NELL1: variants seen among roughly 807,000 people sequenced by gnomAD.
NELL1 encodes neural EGFL like 1, also known as protein kinase C-binding protein NELL1.
A neutral mutation model predicts 107.4 loss-of-function variants in NELL1; 76 were observed. That is an observed-to-expected ratio of 0.71 (90% CI 0.59 to 0.86). The LOEUF (loss-of-function observed/expected upper bound fraction) is 0.86. NELL1 is among the 40% of genes least tolerant of loss of function. The probability of loss-of-function intolerance (pLI) is 0.00; values close to 1 mark genes in which losing one functional copy is unlikely to be tolerated. For missense variants in NELL1, 1,024 were observed against 1,005.5 expected (o/e 1.02, Z -0.25); for synonymous variants, 353 against 341.2 (o/e 1.03, Z -0.38).
At chr11:20,748,716 A>G (rs969889855) in intron 2 of NELL1, among the ~76,000 whole-genome samples, 3 of 152,170 alleles carry the variant, frequency 2.0e-5, no homozygotes, top group African/African-American at 7.2e-5. Flanking sequence ...GGCTCCATTC[A>G]AGTTGCTGTA....
At chr11:21,038,284 C>A (rs1400200197) in intron 12 of NELL1, among the ~76,000 whole-genome samples, 2 of 152,092 alleles carry the variant, frequency 1.3e-5, no homozygotes, top group Non-Finnish European at 2.9e-5. Flanking sequence ...GGCAATAGAT[C>A]ATAAATGCTT....
intron 14 of NELL1, among the ~76,000 whole-genome samples, chr11:21,231,818 G>A (rs1051125796): frequency 1.3e-5 from 2 of 152,086 alleles, no homozygotes; most frequent in Non-Finnish European, 2.9e-5. Context: ...TAAAGTGATT[G>A]TCATAATCAA....
chr11:21,368,560 C>A (rs182573169), intron 14 of NELL1, among the ~76,000 whole-genome samples: 3 of 152,076 alleles, frequency 2.0e-5, no homozygotes, highest in Admixed American at 2.0e-4. Flanking sequence ...AGCCTTAGGG[C>A]ACTTGATTTC....
intron 10 of NELL1, among the ~76,000 whole-genome samples, chr11:20,945,169 A>G (rs1464643884): frequency 6.6e-6 from 1 of 152,190 alleles, no homozygotes; most frequent in Non-Finnish European, 1.5e-5. Context: ...GTGATTTATT[A>G]AGGTAGTGCC....
intron 2 of NELL1, among the ~76,000 whole-genome samples, chr11:20,689,062 GTCTTCTT>G (rs1854382589): frequency 6.6e-6 from 1 of 152,012 alleles, no homozygotes; most frequent in Admixed American, 6.6e-5. Context: ...CCGCTTATAT[GTCTTCTT>G]TCTTCTTTTG....
intron 12 of NELL1, among the ~76,000 whole-genome samples, chr11:20,970,224 T>C (rs1312807318): frequency 1.3e-5 from 2 of 152,130 alleles, no homozygotes; most frequent in Non-Finnish European, 2.9e-5. Context: ...TTTATGTAGT[T>C]GTCTAGGTGA....
chr11:20,710,024 A>C (rs1367362992), intron 2 of NELL1, among the ~76,000 whole-genome samples: 1 of 152,180 alleles, frequency 6.6e-6, no homozygotes, highest in Admixed American at 6.5e-5. Context: ...CACTTTACAG[A>C]TTTGGATGCC....
At chr11:21,549,602 A>G (rs140463048) in intron 16 of NELL1, among the ~76,000 whole-genome samples, 91 of 151,982 alleles carry the variant, frequency 6.0e-4, no homozygotes, top group African/African-American at 2.0e-3. Flanking sequence ...AGAGACTCTC[A>G]GTGCAGTCAT....
At chr11:20,964,675 A>G (rs1321148360) in intron 12 of NELL1, among the ~76,000 whole-genome samples, 1 of 152,148 alleles carries the variant, frequency 6.6e-6, no homozygotes, top group East Asian at 1.9e-4. Flanking sequence ...CTGTTCCAAT[A>G]CTGTGCTAGT....
intron 15 of NELL1, among the ~76,000 whole-genome samples, chr11:21,447,830 G>C (rs1178200974): frequency 6.6e-6 from 1 of 152,092 alleles, no homozygotes; most frequent in Non-Finnish European, 1.5e-5. Flanking sequence ...CAGTCCTTGT[G>C]GCCTAGACAG....
At chr11:21,233,229 C>A (rs1337838704) in intron 14 of NELL1, among the ~76,000 whole-genome samples, 2 of 152,156 alleles carry the variant, frequency 1.3e-5, no homozygotes, top group Non-Finnish European at 2.9e-5. Flanking sequence ...TGCAAGACAC[C>A]TTGATGTGTG....
intron 13 of NELL1, among the ~76,000 whole-genome samples, chr11:21,123,334 CGTGTGTGT>C (rs142012176): frequency 2.9e-4 from 39 of 132,452 alleles, no homozygotes; most frequent in Non-Finnish European, 3.7e-4. Flanking sequence ...TGTGTGCCTG[CGTGTGTGT>C]GTGTGTGTGT....
At chr11:21,560,079 G>A in intron 16 of NELL1, 110 bp from the exon 17 acceptor site, 2 of 1,024,342 alleles carry the variant, frequency 2.0e-6, no homozygotes, top group Non-Finnish European at 3.1e-6. Context: ...GCAGTACCTA[G>A]CACAAGGTAA....
intron 13 of NELL1, among the ~76,000 whole-genome samples, chr11:21,115,331 A>AACACACACACACACAC (rs66507806): frequency 2.1e-4 from 29 of 140,704 alleles, no homozygotes; most frequent in African/African-American, 6.7e-4. Flanking sequence ...GTCTACATCA[A>AACACACACACACACAC]ACACACACAC....
At chr11:21,456,035 G>T (rs1853722188) in intron 15 of NELL1, among the ~76,000 whole-genome samples, 1 of 151,818 alleles carries the variant, frequency 6.6e-6, no homozygotes, top group Non-Finnish European at 1.5e-5. Context: ...GGGACTACAG[G>T]CACGTGCCAC....
At chr11:21,470,745 A>G (rs538017859) in intron 15 of NELL1, among the ~76,000 whole-genome samples, 2 of 152,108 alleles carry the variant, frequency 1.3e-5, no homozygotes, top group Non-Finnish European at 2.9e-5. Flanking sequence ...ACCTCAGGAC[A>G]TATTTGCTGC....
At chr11:21,225,779 C>T (rs1590749997) in intron 13 of NELL1, among the ~76,000 whole-genome samples, 1 of 152,148 alleles carries the variant, frequency 6.6e-6, no homozygotes, top group Non-Finnish European at 1.5e-5. Context: ...GCAGCAATGA[C>T]AATCAAATAC....
chr11:21,297,474 G>A (rs1849399149), intron 14 of NELL1, among the ~76,000 whole-genome samples: 1 of 152,030 alleles, frequency 6.6e-6, no homozygotes, highest in Non-Finnish European at 1.5e-5. Context: ...GGTAAGAAAA[G>A]CCTCTGGATT....
At chr11:21,241,869 A>G (rs1858369060) in intron 14 of NELL1, among the ~76,000 whole-genome samples, 1 of 148,298 alleles carries the variant, frequency 6.7e-6, no homozygotes, top group Non-Finnish European at 1.5e-5. Flanking sequence ...AAACACAGCC[A>G]TCTTCTGGTT....
Sources: allele counts gnomAD v4.1 joint callset (sites outside exome capture counted in the v4.1 genomes callset), GRCh38; gene constraint gnomAD v4.1.1; transcripts MANE v1.5; gene names NCBI Gene and HGNC (gene_info 2026-07-23, HGNC 2026-07-21).